KDM2B: variants seen among roughly 807,000 people sequenced by gnomAD.
The protein encoded by KDM2B is lysine-specific demethylase 2B.
A neutral mutation model predicts 150.0 loss-of-function variants in KDM2B; 26 were observed. That is an observed-to-expected ratio of 0.17 (90% confidence interval 0.13 to 0.24). The LOEUF (loss-of-function observed/expected upper bound fraction) is 0.24. Among genes scored for constraint, KDM2B ranks in the 10% least tolerant of loss-of-function variants. The pLI is 1.00. For synonymous variants in KDM2B, 734 were observed against 729.5 expected (o/e 1.01, Z -0.10); for missense variants, 1,265 against 1,816.9 (o/e 0.70, Z 5.52).
At chr12:121,454,670 T>C (rs1485819842) in intron 12 of KDM2B, among the ~76,000 whole-genome samples, 4 of 152,190 alleles carry the variant, frequency 2.6e-5, no homozygotes, top group East Asian at 1.9e-4. Context: ...GGGAGACACG[T>C]GGTCACCCTG....
intron 22 of KDM2B, among the ~76,000 whole-genome samples, chr12:121,436,943 C>T (rs952497163): frequency 2.6e-5 from 4 of 152,182 alleles, no homozygotes; most frequent in Non-Finnish European, 5.9e-5. Flanking sequence ...GGGTTCTATA[C>T]CCAGCAGAAC....
rs955981404 is a variant in KDM2B, at chr12:121,442,026, G to A, written c.3284+131C>T. The stretch of plus-strand genomic sequence containing the variant: ...AGGGGCCGCTGTAGCCAGCTGGAAC[G>A]CTTTGCGGAGCACAATGAAGCCATA... On this transcript the variant is annotated intron_variant, in intron 19 of 22. Coordinates refer to ENST00000377071, the MANE Select transcript of KDM2B (RefSeq NM_032590.5). This position sits in a 1 kb window ranked among gnomAD's most constrained non-coding sequence, Gnocchi z 7.7. 5.6e-5 allele frequency: 42 copies of A among 743,676 alleles called. No homozygotes were observed. The East Asian group carries it at 8.8e-4, about 16-fold the overall frequency. The allele number at this position is 743,676 out of a possible 1,614,324, so 46.1% of individuals were successfully genotyped here. A position where few individuals can be genotyped will look rare whatever the true frequency, so the allele number is the denominator to read the frequency against.
At chr12:121,562,009 T>C (rs1890373346) in intron 4 of KDM2B, among the ~76,000 whole-genome samples, 1 of 151,648 alleles carries the variant, frequency 6.6e-6, no homozygotes. Context: ...CTGTCTCTAC[T>C]AAAAATACAA....
chr12:121,410,953 G>A, the KDM2B span, among the ~76,000 whole-genome samples: 1 of 152,116 alleles, frequency 6.6e-6, no homozygotes, highest in Non-Finnish European at 1.5e-5. Context: ...GTTTGTTTTT[G>A]AGACAGGGTC....
At chr12:121,532,343 A>G (rs1226025910) in intron 8 of KDM2B, among the ~76,000 whole-genome samples, 3 of 152,136 alleles carry the variant, frequency 2.0e-5, no homozygotes, top group Admixed American at 2.0e-4. Flanking sequence ...AGGAGATCTG[A>G]ACTCACTCAG....
rs782207344 is a variant in KDM2B at position 121,532,932 on chromosome 12, G to T, written c.805C>A (p.His269Asn). Residue 269 changes from histidine to asparagine, a missense_variant, in exon 8 of 23, where the codon CAC becomes AAC. By Grantham distance (68) the His-to-Asn change is moderately conservative (BLOSUM62 1). Transcript: ENST00000377071. Reference sequence around the variant, plus strand: ...CACTCCTCGTACAGCGCCAAATTGTGCAGCGTTGGAGGAATCAGCCAAAAA... The same window carrying T: ...CACTCCTCGTACAGCGCCAAATTGTTCAGCGTTGGAGGAATCAGCCAAAAA... ...KIFWLIPPTLHNLALYEEWVL... is the reference protein window; with the variant it reads ...KIFWLIPPTLNNLALYEEWVL... 1.9e-6 allele frequency: 3 copies of T among 1,614,190 alleles called. No individual in the cohort carries two copies.
At chr12:121,470,227 C>G (rs1294971913) in intron 12 of KDM2B, 2 of 152,100 alleles carry the variant, frequency 1.3e-5, no homozygotes, top group Admixed American at 6.5e-5. Flanking sequence ...CTCAAAAGCT[C>G]ACTTCTGAAT....
rs1886672306 is a variant in KDM2B at position 121,521,326 on chromosome 12, A to G, written c.932-226T>C. Among the ~76,000 whole-genome samples the G allele has an allele frequency of 6.6e-6, 1 of 152,134 alleles. No individual in the cohort carries two copies. Reference sequence around the variant, plus strand: ...GCCTCGAGCAGCCACTGTCTGGCTCAAGTCAGGAGCTGGGAAGCTGCAGAT... The same window carrying G: ...GCCTCGAGCAGCCACTGTCTGGCTCGAGTCAGGAGCTGGGAAGCTGCAGAT... On this transcript the variant is annotated intron_variant, in intron 8 of 22. Coordinates refer to ENST00000377071, the MANE Select transcript of KDM2B (RefSeq NM_032590.5). The surrounding 1 kb of genome is among the most constrained non-coding windows in gnomAD (Gnocchi z 4.9).
rs1056424931 is a variant in KDM2B at position 121,520,361 on chromosome 12, T to C, written c.1047+624A>G. ...TTACCTAAGCCTCCGCCCATGTTCG[T>C]AGGACATGGGGTGAGTGAGGGAAAC... On this transcript the variant is annotated intron_variant, in intron 9 of 22. Transcript: ENST00000377071. This position sits in a 1 kb window ranked among gnomAD's most constrained non-coding sequence, Gnocchi z 4.5. 5.3e-5 allele frequency among the ~76,000 whole-genome samples: 8 copies of C among 152,078 alleles called. No individual in the cohort carries two copies. Among genetic ancestry groups the C allele is most frequent in the Non-Finnish European group, 1.0e-4 (7 of 68,018 alleles).
intron 4 of KDM2B, among the ~76,000 whole-genome samples, chr12:121,564,420 T>C (rs1019155371): frequency 2.0e-4 from 31 of 152,098 alleles, no homozygotes; most frequent in African/African-American, 7.2e-4. Context: ...ATGGCGCCAC[T>C]GCACTTCAGC....
At chr12:121,461,691 G>A (rs1042571186) in intron 12 of KDM2B, among the ~76,000 whole-genome samples, 1 of 152,168 alleles carries the variant, frequency 6.6e-6, no homozygotes, top group African/African-American at 2.4e-5. Flanking sequence ...CGGAATCCAA[G>A]GGGCCCATGG....
intron 12 of KDM2B, among the ~76,000 whole-genome samples, chr12:121,456,282 C>T (rs977866316): frequency 1.3e-5 from 2 of 152,246 alleles, no homozygotes; most frequent in African/African-American, 2.4e-5. Flanking sequence ...CACGATGCCT[C>T]AGTGCGAAGG....
chr12:121,423,352 G>C, the KDM2B span: 1 of 1,539,152 alleles, frequency 6.5e-7, no homozygotes, highest in Non-Finnish European at 8.8e-7. The surrounding 1 kb of genome is among the most constrained non-coding windows in gnomAD (Gnocchi z 4.3). Flanking sequence ...GGCCATGCCT[G>C]AAGCCGAGGC....
intron 13 of KDM2B, among the ~76,000 whole-genome samples, chr12:121,449,564 G>A (rs1555291098): frequency 6.6e-6 from 1 of 152,172 alleles, no homozygotes; most frequent in African/African-American, 2.4e-5. Flanking sequence ...CCCGAGACAG[G>A]TTTCCTATAA....
intron 13 of KDM2B, among the ~76,000 whole-genome samples, chr12:121,450,598 G>C: frequency 6.6e-6 from 1 of 151,814 alleles, no homozygotes; most frequent in Non-Finnish European, 1.5e-5. Flanking sequence ...GGTGGCTCAC[G>C]CCTGTAATCC....
intron 6 of KDM2B, among the ~76,000 whole-genome samples, chr12:121,546,813 C>A (rs1889093318): frequency 6.6e-6 from 1 of 151,470 alleles, no homozygotes; most frequent in Admixed American, 6.6e-5. Flanking sequence ...TCAAGCAAAT[C>A]TTCTGCTTCC....
intron 4 of KDM2B, among the ~76,000 whole-genome samples, chr12:121,557,627 C>A (rs1890003215): frequency 6.6e-6 from 1 of 152,088 alleles, no homozygotes; most frequent in Non-Finnish European, 1.5e-5. Flanking sequence ...CAGCTACAAG[C>A]CAAGGCGCAC....
chr12:121,514,142 C>T (rs1423206974), intron 9 of KDM2B, among the ~76,000 whole-genome samples: 1 of 152,078 alleles, frequency 6.6e-6, no homozygotes, highest in Non-Finnish European at 1.5e-5. Context: ...TCCCTTTTGT[C>T]CCACCTCTGT....
chr12:121,551,109 TC>T (rs1240785704), intron 4 of KDM2B, among the ~76,000 whole-genome samples: 2 of 152,140 alleles, frequency 1.3e-5, no homozygotes, highest in Non-Finnish European at 2.9e-5. Context: ...GACAGAACTC[TC>T]ATGGAACTTA....
Sources: gnomAD v4.1 joint callset for allele counts (sites outside exome capture counted in the v4.1 genomes callset) on GRCh38, gnomAD v4.1.1 for gene constraint, Gnocchi (gnomAD v3.1) non-coding constraint, MANE v1.5 for transcripts, NCBI Gene and HGNC (gene_info 2026-07-23, HGNC 2026-07-21) for gene names.